SERPINI1: variants seen among roughly 807,000 people sequenced by gnomAD.
The protein encoded by SERPINI1 is serpin family I member 1.
A neutral mutation model predicts 41.1 loss-of-function variants in SERPINI1; 19 were observed. That is an observed-to-expected ratio of 0.46 (90% CI 0.32 to 0.68). SERPINI1 has a LOEUF of 0.68. Ranked by LOEUF, SERPINI1 falls within the 30% of genes least tolerant of loss-of-function variation. The probability of loss-of-function intolerance (pLI) is 0.03; values close to 1 mark genes in which losing one functional copy is unlikely to be tolerated. For missense variants in SERPINI1, 460 were observed against 479.2 expected, an observed-to-expected ratio of 0.96 and a Z score of 0.37; for synonymous variants, 138 against 156.6, an observed-to-expected ratio of 0.88 and a Z score of 0.89.
chr3:167,787,487 A>G (rs1349680536), intron 1 of SERPINI1, among the ~76,000 whole-genome samples: 2 of 152,232 alleles, frequency 1.3e-5, no homozygotes. Context: ...TACAAAAGGA[A>G]GTAAGAATGC....
intron 1 of SERPINI1, among the ~76,000 whole-genome samples, chr3:167,752,838 C>G (rs1490150283): frequency 6.6e-6 from 1 of 152,086 alleles, no homozygotes; most frequent in African/African-American, 2.4e-5. Context: ...GTCTGGAATA[C>G]TGCTTCCCTC....
At position 167,814,347 on chromosome 3, in the gene SERPINI1, C is replaced by A. The variant is rs150464664; in HGVS notation, c.979+7006C>A. Among the ~76,000 whole-genome samples, 133 of 152,230 alleles carry A rather than the reference C, an allele frequency of 8.7e-4. 2 individuals carry two copies. The highest frequency in any genetic ancestry group is 2.5e-3 in the African/African-American group (105 of 41,540). Reference sequence around the variant, plus strand: ...AATGTTTGCTGGTTTTGTAAAAAATCTATCCAGAAAAGCAAACAAAGAAAC... The same window carrying A: ...AATGTTTGCTGGTTTTGTAAAAAATATATCCAGAAAAGCAAACAAAGAAAC... On this transcript the variant is annotated intron_variant, in intron 6 of 8. Transcript: ENST00000446050.
At chr3:167,819,305 C>T (rs776092039) in intron 6 of SERPINI1, among the ~76,000 whole-genome samples, 23 of 152,128 alleles carry the variant, frequency 1.5e-4, no homozygotes, top group Non-Finnish European at 1.6e-4. Context: ...TGAGCCACTG[C>T]GCCCAGCTAC....
chr3:167,797,556 T>A (rs1442756607), intron 5 of SERPINI1, among the ~76,000 whole-genome samples: 1 of 152,152 alleles, frequency 6.6e-6, no homozygotes, highest in African/African-American at 2.4e-5. Context: ...TTCAATTTTC[T>A]GCATATGGCT....
chr3:167,762,329 C>A (rs1056894839), intron 1 of SERPINI1, among the ~76,000 whole-genome samples: 1 of 152,118 alleles, frequency 6.6e-6, no homozygotes, highest in Admixed American at 6.5e-5. Flanking sequence ...TCCCCTAGAT[C>A]ATTACCCCTA....
chr3:167,796,335 T>C (rs1013718418), intron 5 of SERPINI1, among the ~76,000 whole-genome samples: 2 of 151,752 alleles, frequency 1.3e-5, no homozygotes, highest in Non-Finnish European at 2.9e-5. Context: ...TATATAGCCA[T>C]ATATTTTCTA....
intron 1 of SERPINI1, among the ~76,000 whole-genome samples, chr3:167,746,224 A>G (rs1725860354): frequency 6.6e-6 from 1 of 152,184 alleles, no homozygotes; most frequent in Non-Finnish European, 1.5e-5. Flanking sequence ...GCAACTGGAT[A>G]TCTACATGGA....
At chr3:167,790,896 G>T (rs992791501) in intron 3 of SERPINI1, among the ~76,000 whole-genome samples, 5 of 152,010 alleles carry the variant, frequency 3.3e-5, no homozygotes, top group African/African-American at 7.3e-5. Context: ...ATGAAATTTT[G>T]CTTGTCCTAT....
intron 1 of SERPINI1, among the ~76,000 whole-genome samples, chr3:167,775,884 A>G (rs1378432765): frequency 1.3e-5 from 2 of 152,058 alleles, no homozygotes; most frequent in African/African-American, 2.4e-5. Flanking sequence ...TCCTTTTTGT[A>G]CAAGAAATTG....
At position 167,794,768 on chromosome 3, in the gene SERPINI1, G is replaced by A. The variant is rs749633507; in HGVS notation, c.825G>A (p.Leu275=). The change falls in exon 5 of 9, where the codon CTG becomes CTA. Residue 275 remains leucine (L), a synonymous_variant. Coordinates refer to ENST00000446050, the MANE Select transcript of SERPINI1 (RefSeq NM_001122752.2). ...ATLEPLVKAQ[L]VEEWANSVKK... ...TGGAGCCATTAGTCAAAGCACAGCT[G>A]GTTGAAGAATGGGCAAACTCTGTGA... 2.5e-6 allele frequency: 4 copies of A among 1,613,544 alleles called. No homozygotes were observed. The South Asian group carries it at 3.3e-5, about 13-fold the overall frequency.
chr3:167,790,258 C>G, intron 2 of SERPINI1, 114 bp from the exon 3 acceptor site: 1 of 747,794 alleles, frequency 1.3e-6, no homozygotes, highest in Non-Finnish European at 2.4e-6. Context: ...TGGCACTTTT[C>G]CCCCAGGTGC....
At chr3:167,818,515 G>A (rs1004985066) in intron 6 of SERPINI1, among the ~76,000 whole-genome samples, 2 of 151,494 alleles carry the variant, frequency 1.3e-5, no homozygotes, top group African/African-American at 2.4e-5. Context: ...ATATTCTTGG[G>A]TATGTTCTTT....
intron 2 of SERPINI1, 80 bp downstream of exon 2, chr3:167,789,458 C>T: frequency 6.6e-7 from 1 of 1,522,042 alleles, no homozygotes; most frequent in Non-Finnish European, 9.1e-7. Context: ...ATTCTAGACA[C>T]AGCAATATTT....
intron 1 of SERPINI1, among the ~76,000 whole-genome samples, chr3:167,770,854 C>G (rs1392449514): frequency 6.6e-6 from 1 of 152,128 alleles, no homozygotes; most frequent in Admixed American, 6.6e-5. Flanking sequence ...TTCTATGTTA[C>G]GTTTGTTGAA....
chr3:167,761,696 G>T (rs1268012430), intron 1 of SERPINI1, among the ~76,000 whole-genome samples: 1 of 152,136 alleles, frequency 6.6e-6, no homozygotes, highest in Non-Finnish European at 1.5e-5. Flanking sequence ...GTAAAACGTA[G>T]TTATGACCCT....
intron 1 of SERPINI1, among the ~76,000 whole-genome samples, chr3:167,786,792 AC>A (rs1252692940): frequency 6.6e-6 from 1 of 152,126 alleles, no homozygotes; most frequent in African/African-American, 2.4e-5. Flanking sequence ...TGTTTAAAAA[AC>A]TTTTTGACCG....
chr3:167,777,611 C>A (rs1179939609), intron 1 of SERPINI1, among the ~76,000 whole-genome samples: 1 of 152,178 alleles, frequency 6.6e-6, no homozygotes, highest in Non-Finnish European at 1.5e-5. Context: ...GTCTTCTCTT[C>A]TGAGTCACAG....
chr3:167,763,550 A>G (rs1726457561), intron 1 of SERPINI1, among the ~76,000 whole-genome samples: 1 of 152,042 alleles, frequency 6.6e-6, no homozygotes, highest in Non-Finnish European at 1.5e-5. Flanking sequence ...CAGCTAATTT[A>G]TCTTGTATCT....
chr3:167,824,709 A>G, intron 8 of SERPINI1, 147 bp downstream of exon 8: 1 of 605,792 alleles, frequency 1.7e-6, no homozygotes, highest in East Asian at 2.8e-5. Context: ...GACCAACTGA[A>G]TTATCAGATA....
Sources: gnomAD v4.1 joint callset for allele counts (sites outside exome capture counted in the v4.1 genomes callset) on GRCh38, gnomAD v4.1.1 for gene constraint, MANE v1.5 for transcripts, NCBI Gene and HGNC (gene_info 2026-07-23, HGNC 2026-07-21) for gene names.